MACROD2: variants seen among roughly 807,000 people sequenced by gnomAD.
The protein encoded by MACROD2 is mono-ADP ribosylhydrolase 2, also known as ADP-ribose glycohydrolase MACROD2.
In MACROD2, 36 loss-of-function variants were observed where a neutral mutation model predicts 70.4. The observed-to-expected ratio is 0.51, with a 90% confidence interval of 0.39 to 0.68. MACROD2 has a LOEUF of 0.68. Among genes scored for constraint, MACROD2 ranks in the 30% least tolerant of loss-of-function variants. The pLI is 0.00. For synonymous variants in MACROD2, 172 were observed against 178.8 expected (o/e 0.96, Z 0.30); for missense variants, 496 against 538.4 (o/e 0.92, Z 0.78).
chr20:15,688,544 CT>C lies in MACROD2; in HGVS notation c.646-174200del, dbSNP rs1220452407. 2.0e-5 allele frequency among the ~76,000 whole-genome samples: 3 copies of C among 152,144 alleles called. No homozygotes were observed. The East Asian group carries it at 5.8e-4, about 29-fold the overall frequency. On this transcript the variant is annotated intron_variant, in intron 8 of 17. Coordinates refer to ENST00000684519, the MANE Select transcript of MACROD2 (RefSeq NM_001351661.2). The stretch of plus-strand genomic sequence containing the variant: ...GTGTTCAGAATGTAGATTCCCAGGG[CT>C]GCTTGATTGGCTTCAATATGTGAAG...
At chr20:14,247,277 G>A (rs1053094444) in intron 3 of MACROD2, among the ~76,000 whole-genome samples, 1 of 152,148 alleles carries the variant, frequency 6.6e-6, no homozygotes, top group Non-Finnish European at 1.5e-5. Flanking sequence ...TTTCCAGTGC[G>A]AGGCTCCTTC....
intron 8 of MACROD2, among the ~76,000 whole-genome samples, chr20:15,505,982 C>A (rs1384402486): frequency 6.6e-6 from 1 of 152,128 alleles, no homozygotes; most frequent in Non-Finnish European, 1.5e-5. Flanking sequence ...AAACACAACA[C>A]CTGTGGTATT....
intron 2 of MACROD2, among the ~76,000 whole-genome samples, chr20:14,020,105 G>T (rs568684783): frequency 1.7e-4 from 26 of 152,316 alleles, no homozygotes; most frequent in African/African-American, 6.0e-4. Flanking sequence ...AATCAGGCAT[G>T]CTGGATTAAT....
At chr20:14,088,078 C>A (rs1278411102) in intron 3 of MACROD2, among the ~76,000 whole-genome samples, 1 of 151,856 alleles carries the variant, frequency 6.6e-6, no homozygotes, top group African/African-American at 2.4e-5. Flanking sequence ...TGCCTGTAAT[C>A]CCAGCACTTT....
chr20:15,224,959 TAAA>T (rs5840661), intron 5 of MACROD2, among the ~76,000 whole-genome samples: 16 of 124,510 alleles, frequency 1.3e-4, no homozygotes, highest in South Asian at 2.6e-4. Flanking sequence ...GACTTTGTCT[TAAA>T]AAAAAAAAAA....
intron 5 of MACROD2, among the ~76,000 whole-genome samples, chr20:14,956,530 C>A (rs932172416): frequency 8.6e-5 from 13 of 151,996 alleles, no homozygotes; most frequent in Admixed American, 3.9e-4. Context: ...TATTACCATG[C>A]CACCCTGTGC....
intron 5 of MACROD2, among the ~76,000 whole-genome samples, chr20:14,835,322 AATATC>A (rs1281562960): frequency 6.6e-6 from 1 of 152,076 alleles, no homozygotes; most frequent in African/African-American, 2.4e-5. Context: ...GAACATGTGA[AATATC>A]AGTTAACATC....
chr20:14,552,613 G>A (rs780858277), intron 4 of MACROD2, among the ~76,000 whole-genome samples: 2 of 151,886 alleles, frequency 1.3e-5, no homozygotes, highest in Non-Finnish European at 2.9e-5. Flanking sequence ...AGAGTGAACC[G>A]ACAAAAGCCT....
chr20:15,639,327 C>A (rs998793594), intron 8 of MACROD2, among the ~76,000 whole-genome samples: 5 of 152,312 alleles, frequency 3.3e-5, no homozygotes, highest in African/African-American at 1.2e-4. Context: ...GAACTGCTCA[C>A]GACCTGCATC....
intron 8 of MACROD2, among the ~76,000 whole-genome samples, chr20:15,500,464 G>A (rs1379601728): frequency 6.6e-6 from 1 of 152,166 alleles, no homozygotes; most frequent in African/African-American, 2.4e-5. Context: ...AAACAAAGCA[G>A]CAAAATAACT....
intron 4 of MACROD2, among the ~76,000 whole-genome samples, chr20:14,541,490 T>C (rs1331817667): frequency 6.6e-6 from 1 of 152,198 alleles, no homozygotes; most frequent in Non-Finnish European, 1.5e-5. Context: ...TATGAACTTA[T>C]TTTCTATCTT....
chr20:14,708,498 C>G (rs1435528378), intron 5 of MACROD2, among the ~76,000 whole-genome samples: 2 of 152,168 alleles, frequency 1.3e-5, no homozygotes, highest in African/African-American at 4.8e-5. Context: ...CAAATAAGAA[C>G]ATGAAAGCAG....
intron 10 of MACROD2, among the ~76,000 whole-genome samples, chr20:15,902,713 C>T (rs980553853): frequency 2.0e-5 from 3 of 152,008 alleles, no homozygotes; most frequent in Non-Finnish European, 4.4e-5. Flanking sequence ...GAGCTGAGGC[C>T]CCCTGCTGGC....
At chr20:15,743,976 C>T (rs2051142591) in intron 8 of MACROD2, among the ~76,000 whole-genome samples, 1 of 152,150 alleles carries the variant, frequency 6.6e-6, no homozygotes, top group African/African-American at 2.4e-5. Context: ...CTGTTGCCAG[C>T]ACACAAGAAG....
intron 6 of MACROD2, among the ~76,000 whole-genome samples, chr20:15,240,078 A>G (rs1314427711): frequency 6.6e-6 from 1 of 152,178 alleles, no homozygotes; most frequent in Non-Finnish European, 1.5e-5. Context: ...TGAGACTATA[A>G]TGAGTATCAC....
At chr20:15,772,937 G>T (rs1203875367) in intron 8 of MACROD2, among the ~76,000 whole-genome samples, 1 of 152,078 alleles carries the variant, frequency 6.6e-6, no homozygotes, top group African/African-American at 2.4e-5. Flanking sequence ...CTATGACGAG[G>T]AGAGCACATC....
At chr20:14,753,652 A>G (rs2123740575) in intron 5 of MACROD2, among the ~76,000 whole-genome samples, 1 of 152,268 alleles carries the variant, frequency 6.6e-6, no homozygotes, top group African/African-American at 2.4e-5. Context: ...CTCTTGCTTT[A>G]CATTATCATG....
chr20:15,506,230 C>T (rs1469480410), intron 8 of MACROD2, among the ~76,000 whole-genome samples: 1 of 152,184 alleles, frequency 6.6e-6, no homozygotes, highest in African/African-American at 2.4e-5. Context: ...TTGGTTTCTA[C>T]TGCGTGGAAG....
chr20:15,518,011 G>A (rs780065314), intron 8 of MACROD2, among the ~76,000 whole-genome samples: 7 of 152,224 alleles, frequency 4.6e-5, no homozygotes, highest in Non-Finnish European at 8.8e-5. Context: ...AATGAATAGA[G>A]CTGGCAACAG....
Sources: gnomAD v4.1 joint callset for allele counts (sites outside exome capture counted in the v4.1 genomes callset) on GRCh38, gnomAD v4.1.1 for gene constraint, MANE v1.5 for transcripts, NCBI Gene and HGNC (gene_info 2026-07-23, HGNC 2026-07-21) for gene names.